PSD3: variants seen among roughly 807,000 people sequenced by gnomAD.
PSD3 encodes the protein PH and SEC7 domain-containing protein 3.
PSD3 carries 49 observed loss-of-function variants against 105.5 expected under a neutral mutation model. The observed-to-expected ratio is 0.46, with a 90% CI of 0.37 to 0.59. The LOEUF (loss-of-function observed/expected upper bound fraction) is 0.59. PSD3 is among the 20% of genes least tolerant of loss of function. The probability of loss-of-function intolerance (pLI) is 0.00; values close to 1 mark genes in which losing one functional copy is unlikely to be tolerated. For synonymous variants in PSD3, 557 were observed against 457.8 expected, an observed-to-expected ratio of 1.22 and a Z score of -2.77; for missense variants, 1,561 against 1,263.8, an observed-to-expected ratio of 1.24 and a Z score of -3.57.
At chr8:18,703,599 T>C (rs2129418037) in intron 9 of PSD3, among the ~76,000 whole-genome samples, 1 of 152,306 alleles carries the variant, frequency 6.6e-6, no homozygotes, top group Middle Eastern at 3.4e-3. Flanking sequence ...CCCTTGGACA[T>C]GAAATTCTTT....
intron 1 of PSD3, among the ~76,000 whole-genome samples, chr8:19,041,715 A>G (rs1828130422): frequency 6.6e-6 from 1 of 152,212 alleles, no homozygotes; most frequent in Admixed American, 6.5e-5. Context: ...ATGACACAAG[A>G]CTAGGGATGT....
chr8:18,720,500 G>A (rs191657431), intron 9 of PSD3, among the ~76,000 whole-genome samples: 1 of 152,096 alleles, frequency 6.6e-6, no homozygotes, highest in Admixed American at 6.6e-5. Context: ...AGACTACCTG[G>A]AATTATATGT....
chr8:18,548,895 A>G (rs556308496), intron 15 of PSD3, among the ~76,000 whole-genome samples: 1 of 152,176 alleles, frequency 6.6e-6, no homozygotes, highest in Non-Finnish European at 1.5e-5. Context: ...AGAAGCCTCC[A>G]TGGCCTCTCT....
intron 1 of PSD3, among the ~76,000 whole-genome samples, chr8:19,077,862 T>G (rs542382539): frequency 6.6e-6 from 1 of 152,182 alleles, no homozygotes; most frequent in African/African-American, 2.4e-5. Flanking sequence ...CTCCACCTTT[T>G]TGGTGTTCTG....
rs375888609 is a variant in PSD3, at chr8:18,936,043, G to C, written c.121C>G (p.Pro41Ala). Residue 41 changes from proline to alanine, a missense_variant, in exon 2 of 16, where the codon CCA (proline) becomes GCA (alanine). Pro to Ala is a conservative substitution (Grantham distance 27). Transcript: ENST00000327040. ...FLFGRSEGKA[P>A]DTSDHGGSTL... Reference sequence around the variant, plus strand: ...ATGAGGAAATACTTACTAGTATCTGGAGCTTTCCCTTCAGATCTGCCAAAT... The same window carrying C: ...ATGAGGAAATACTTACTAGTATCTGCAGCTTTCCCTTCAGATCTGCCAAAT... 2 of 1,603,596 alleles carry C rather than the reference G, an allele frequency of 1.2e-6. No homozygotes were observed. The highest frequency in any genetic ancestry group is 8.5e-7 in the Non-Finnish European group (1 of 1,171,130).
At chr8:19,027,944 T>C (rs1827617327) in intron 1 of PSD3, among the ~76,000 whole-genome samples, 1 of 152,202 alleles carries the variant, frequency 6.6e-6, no homozygotes, top group South Asian at 2.1e-4. Flanking sequence ...CTTGGATAAA[T>C]ACCCTGGAGT....
At chr8:18,776,417 T>C (rs1161868576) in intron 8 of PSD3, among the ~76,000 whole-genome samples, 1 of 150,672 alleles carries the variant, frequency 6.6e-6, no homozygotes, top group Non-Finnish European at 1.5e-5. Context: ...GGAGTCTCGA[T>C]CTCTTGCCCA....
In PSD3 at chr8:18,623,279, A is replaced by T. The variant is rs564924675; in HGVS notation, c.2410+9334T>A. On this transcript the variant is annotated intron_variant, in intron 11 of 15. Coordinates refer to ENST00000327040, the MANE Select transcript of PSD3 (RefSeq NM_015310.4). Reference sequence around the variant, plus strand: ...AGAAAAACATCCTTATATGTTTCTAAATTTTCCATGCAATCAGATGTTCTA... The same window carrying T: ...AGAAAAACATCCTTATATGTTTCTATATTTTCCATGCAATCAGATGTTCTA... 2.0e-5 allele frequency among the ~76,000 whole-genome samples: 3 copies of T among 152,052 alleles called. No homozygotes were observed. The South Asian group carries it at 6.2e-4, about 32-fold the overall frequency.
At chr8:19,008,722 A>T (rs1386861813) in intron 1 of PSD3, among the ~76,000 whole-genome samples, 2 of 152,240 alleles carry the variant, frequency 1.3e-5, no homozygotes, top group African/African-American at 2.4e-5. Flanking sequence ...CCAAACAGGC[A>T]TAAGAAAACC....
chr8:18,696,203 G>A (rs551410753), intron 9 of PSD3, among the ~76,000 whole-genome samples: 20 of 152,338 alleles, frequency 1.3e-4, no homozygotes, highest in African/African-American at 4.6e-4. Context: ...TGGCATTGCC[G>A]TCCGTTCCTC....
chr8:18,685,407 T>C (rs1800610933), intron 9 of PSD3, among the ~76,000 whole-genome samples: 1 of 151,540 alleles, frequency 6.6e-6, no homozygotes, highest in African/African-American at 2.4e-5. Flanking sequence ...TCTTCCTATA[T>C]CCTTTACATT....
At chr8:18,803,154 G>A (rs1810861148) in intron 6 of PSD3, 1 of 241,598 alleles carries the variant, frequency 4.1e-6, no homozygotes, top group Non-Finnish European at 8.6e-6. Flanking sequence ...AGGTGTGGTG[G>A]TGCGTACCTG....
At chr8:18,768,046 G>A (rs191928721) in intron 8 of PSD3, among the ~76,000 whole-genome samples, 2 of 146,132 alleles carry the variant, frequency 1.4e-5, no homozygotes, top group East Asian at 2.0e-4. Flanking sequence ...CGAGACAGGC[G>A]GATCACTTGA....
chr8:18,840,985 A>C (rs918264692), intron 4 of PSD3, among the ~76,000 whole-genome samples: 1 of 152,210 alleles, frequency 6.6e-6, no homozygotes, highest in Non-Finnish European at 1.5e-5. Context: ...ATTCTACTAC[A>C]GTCTACTACA....
intron 9 of PSD3, among the ~76,000 whole-genome samples, chr8:18,702,618 T>C (rs1467967868): frequency 3.3e-5 from 5 of 151,524 alleles, no homozygotes; most frequent in Non-Finnish European, 5.9e-5. Flanking sequence ...TTTCTTTCTT[T>C]CTTTCTTTTT....
rs540089541 is a variant in PSD3 at position 18,687,077 on chromosome 8, C to T, written c.2173-31392G>A. Among the ~76,000 whole-genome samples the T allele has an allele frequency of 8.5e-5, 13 of 152,230 alleles. No homozygotes were observed. The East Asian group carries it at 1.7e-3, about 20-fold the overall frequency. On this transcript the variant is annotated intron_variant, in intron 9 of 15. Coordinates refer to ENST00000327040, the MANE Select transcript of PSD3 (RefSeq NM_015310.4). The stretch of plus-strand genomic sequence containing the variant: ...GCCAAAACAGAACCTGGTGAAGAGC[C>T]GGAGCTCAATGACCAGCTGTCAAAT...
intron 9 of PSD3, chr8:18,762,891 G>A: frequency 8.0e-7 from 1 of 1,246,806 alleles, no homozygotes; most frequent in South Asian, 1.3e-5. Flanking sequence ...AACAGAATTT[G>A]GCTTATACTT....
chr8:18,835,366 T>C (rs778859068), intron 4 of PSD3, among the ~76,000 whole-genome samples: 2 of 152,232 alleles, frequency 1.3e-5, no homozygotes, highest in Non-Finnish European at 2.9e-5. Flanking sequence ...TTATACCTCA[T>C]GTATTGATTT....
intron 1 of PSD3, among the ~76,000 whole-genome samples, chr8:18,937,482 G>C (rs1403386790): frequency 6.6e-6 from 1 of 152,152 alleles, no homozygotes; most frequent in Non-Finnish European, 1.5e-5. Context: ...GACAATACTA[G>C]GAAGACCCAA....
Sources: gnomAD v4.1 joint callset for allele counts (sites outside exome capture counted in the v4.1 genomes callset) on GRCh38, gnomAD v4.1.1 for gene constraint, MANE v1.5 for transcripts, NCBI Gene and HGNC (gene_info 2026-07-23, HGNC 2026-07-21) for gene names.